ATP2A3: variants seen among roughly 807,000 people sequenced by gnomAD.
ATP2A3 encodes the protein ATPase sarcoplasmic/endoplasmic reticulum Ca2+ transporting 3.
Under a neutral mutation model 106.8 loss-of-function variants are expected in ATP2A3, and 61 were observed. That is an observed-to-expected ratio of 0.57 (90% CI 0.46 to 0.71). The LOEUF is 0.71. ATP2A3 is among the 30% of genes least tolerant of loss of function. The probability of loss-of-function intolerance (pLI) is 0.00; values close to 1 mark genes in which losing one functional copy is unlikely to be tolerated. For synonymous variants in ATP2A3, 611 were observed against 609.3 expected (o/e 1.00, Z -0.04); for missense variants, 1,201 against 1,423.5 (o/e 0.84, Z 2.52).
chr17:3,955,010 A>G lies in ATP2A3; in HGVS notation c.119-1300T>C, dbSNP rs906638613. Among the ~76,000 whole-genome samples, 24 of 152,072 alleles carry G rather than the reference A, an allele frequency of 1.6e-4. No homozygotes were observed. The highest frequency in any genetic ancestry group is 5.3e-4 in the African/African-American group (22 of 41,402). On this transcript the variant is annotated intron_variant, in intron 1 of 20. Coordinates refer to ENST00000397041, the MANE Select transcript of ATP2A3 (RefSeq NM_005173.4). The surrounding 1 kb of genome is among the most constrained non-coding windows in gnomAD (Gnocchi z 4.2). ...AGTGAGTGAGTGGGTCTGTGTGGGG[A>G]TGAGAGGGGCGGGAGCCAGGCTCTG...
intron 11 of ATP2A3, 98 bp downstream of exon 11, chr17:3,943,293 G>A (rs1355018393): frequency 4.9e-5 from 72 of 1,473,516 alleles, no homozygotes; most frequent in South Asian, 3.6e-4. Flanking sequence ...AAAACAAAAC[G>A]AAACAAAACA....
rs1800911 is a variant in ATP2A3, at chr17:3,944,719, A to C, written c.1272T>G (p.Ala424=). ...TGAGGCCCACCTCGTTGTAGTCCAG[A>C]GCCGAGTCGTTGCACAGGGCGCAGA... ...ATICALCNDS[A]LDYNEAKGVY... The change falls in exon 10 of 21, where the codon GCT becomes GCG. Residue 424 remains alanine (A), a synonymous_variant. Transcript: ENST00000397041. 680,007 of 1,610,932 alleles carry C rather than the reference A, an allele frequency of 0.42. 148,425 individuals carry two copies. The highest frequency in any genetic ancestry group is 0.49 in the Middle Eastern group (2,986 of 6,038).
In ATP2A3 at chr17:3,941,421, G is replaced by C; in HGVS notation, c.1764+15C>G. On this transcript the variant is annotated intron_variant, in intron 13 of 20. Coordinates refer to ENST00000397041, the MANE Select transcript of ATP2A3 (RefSeq NM_005173.4). The stretch of plus-strand genomic sequence containing the variant: ...CCCACCTCGTACTGCAGGGAGAATC[G>C]GCTCCTGCACCCACCTCGTACTGCA... 6.2e-7 allele frequency: 1 copy of C among 1,613,796 alleles called. No homozygotes were observed. Among genetic ancestry groups the C allele is most frequent in the South Asian group, 1.1e-5 (1 of 91,076 alleles).
rs1373961393 is a variant in ATP2A3 at position 3,925,476 on chromosome 17, T to C, written c.2981-35A>G. ...AAACCCAAGAGCGCGTTAAGATGTA[T>C]GTGTAAGGGCACACATCCAGACAGC... On this transcript the variant is annotated intron_variant, in intron 20 of 20. Transcript: ENST00000397041. This position sits in a 1 kb window ranked among gnomAD's most constrained non-coding sequence, Gnocchi z 4.2. 1.9e-6 allele frequency: 3 copies of C among 1,604,248 alleles called. No homozygotes were observed. Among genetic ancestry groups the C allele is most frequent in the Non-Finnish European group, 2.6e-6 (3 of 1,176,166 alleles).
At position 3,941,218 on chromosome 17, in the gene ATP2A3, C is replaced by G. The variant is rs1283416625; in HGVS notation, c.1853G>C (p.Gly618Ala). Residue 618 changes from glycine (G) to alanine (A), a missense_variant, in exon 14 of 21, where the codon GGC becomes GCC. Physicochemically the swap from Gly to Ala is moderately conservative, Grantham distance 60 (BLOSUM62 0). Coordinates refer to ENST00000397041, the MANE Select transcript of ATP2A3 (RefSeq NM_005173.4). ...CCCCGTGATCATGACCACGCGGATG[C>G]CCGCCTGGTAGCAGCGTGTGATGCA... ...AACITRCYQA[G>A]IRVVMITGDN... 9.3e-6 allele frequency: 15 copies of G among 1,613,990 alleles called. No individual in the cohort carries two copies. The highest frequency in any genetic ancestry group is 1.3e-5 in the Non-Finnish European group (15 of 1,180,040).
Position 3,964,182 on chromosome 17 carries a change from C to T in ATP2A3, c.110G>A (p.Gly37Asp). Reference protein sequence around the residue: ...AQVTGARERYGPNELPSEEGK... With the variant: ...AQVTGARERYDPNELPSEEGK... ...CCGGCCCGCGCGCTCACCGTTGGGG[C>T]CGTAGCGCTCCCGCGCGCCGGTCAC... Residue 37 changes from glycine to aspartate, a missense_variant, in exon 1 of 21, where the codon GGC (glycine) becomes GAC (aspartate). By Grantham distance (94) the Gly-to-Asp change is moderately conservative. This residue lies in a region of ATP2A3 where 266 missense variants were observed against 246.8 expected (regional missense o/e 1.08). Transcript: ENST00000397041. The T allele has an allele frequency of 8.1e-7, 1 of 1,228,202 alleles. No homozygotes were observed. The highest frequency in any genetic ancestry group is 1.0e-6 in the Non-Finnish European group (1 of 974,972). 76.1% of individuals were successfully genotyped at this position (1,228,202 alleles called of 1,614,324 possible).
In ATP2A3 at chr17:3,937,350, G is replaced by A. The variant is rs1355348507; in HGVS notation, c.2321+66C>T. 1.2e-5 allele frequency: 18 copies of A among 1,538,416 alleles called. No homozygotes were observed. In the Admixed American group the frequency reaches 1.8e-4, roughly 16 times the overall value. On this transcript the variant is annotated intron_variant, in intron 15 of 20. Coordinates refer to ENST00000397041, the MANE Select transcript of ATP2A3 (RefSeq NM_005173.4). ...CCTGCAGCGCATCCGAGGAACAGGC[G>A]TTTTCCCCATCTCAGGGGCACAGAG...
rs1278267807 is a variant in ATP2A3, at chr17:3,935,243, G to A, written c.2559C>T (p.Thr853=). 6 of 1,613,674 alleles carry A rather than the reference G, an allele frequency of 3.7e-6. No individual in the cohort carries two copies. Among genetic ancestry groups the A allele is most frequent in the Non-Finnish European group, 5.1e-6 (6 of 1,180,052 alleles). The stretch of plus-strand genomic sequence containing the variant: ...CCTCGGCGTCATACACAAACCACCA[G>A]GTGGCGGCAGCCACTGTGGCCAGGC... The part of the protein sequence containing the change: ...YVGLATVAAA[T]WWFVYDAEGP... The change falls in exon 17 of 21, where the codon ACC becomes ACT. Residue 853 remains threonine (T), a synonymous_variant. Coordinates refer to ENST00000397041, the MANE Select transcript of ATP2A3 (RefSeq NM_005173.4).
chr17:3,951,764 C>G lies in ATP2A3; in HGVS notation c.220-79G>C, dbSNP rs1022516638. ...TCCTTTTCCTTGGCACCCCGGATCT[C>G]CTGCTTGCTTCCCTGCTTTGGGGAG... On this transcript the variant is annotated intron_variant, in intron 3 of 20. Transcript: ENST00000397041. 2.2e-6 allele frequency: 3 copies of G among 1,364,206 alleles called. No individual in the cohort carries two copies. The African/African-American group carries it at 4.3e-5, about 20-fold the overall frequency. 84.5% of individuals were successfully genotyped at this position (1,364,206 alleles called of 1,614,324 possible). A position where few individuals can be genotyped will look rare whatever the true frequency, so the allele number is the denominator to read the frequency against.
At position 3,936,408 on chromosome 17, in the gene ATP2A3, C is replaced by T; in HGVS notation, c.2383G>A (p.Val795Met). The change falls in exon 16 of 21, where the codon GTG becomes ATG. Residue 795 changes from valine (V) to methionine (M), a missense_variant. Physicochemically the swap from Val to Met is conservative, Grantham distance 21. This residue lies in a region of ATP2A3 where 935 missense variants were observed against 1,176.7 expected (regional missense o/e 0.79). Transcript: ENST00000397041. This position sits in a 1 kb window ranked among gnomAD's most constrained non-coding sequence, Gnocchi z 5.4. ...GGTAGGCCGTCTGTCACCAGGTTCA[C>T]CCAGAGCAGCTGCACAGGGATCAGG... ...EALIPVQLLW[V>M]NLVTDGLPAT... 2 of 1,614,064 alleles carry T rather than the reference C, an allele frequency of 1.2e-6. No individual in the cohort carries two copies. The highest frequency in any genetic ancestry group is 1.7e-6 in the Non-Finnish European group (2 of 1,180,016).
At chr17:3,958,777 C>CATATATAT (rs1488496591) in intron 1 of ATP2A3, among the ~76,000 whole-genome samples, 3,185 of 140,832 alleles carry the variant, frequency 0.023, 213 homozygotes, top group African/African-American at 0.083. Flanking sequence ...TATATATACA[C>CATATATAT]ACACATATAT....
At position 3,953,802 on chromosome 17, in the gene ATP2A3, AC is replaced by A. The variant is rs1438727317; in HGVS notation, c.119-93del. The A allele has an allele frequency of 7.3e-7, 1 of 1,376,124 alleles. No homozygotes were observed. 85.2% of individuals were successfully genotyped at this position (1,376,124 alleles called of 1,614,324 possible). On this transcript the variant is annotated intron_variant, in intron 1 of 20. Coordinates refer to ENST00000397041, the MANE Select transcript of ATP2A3 (RefSeq NM_005173.4). The surrounding 1 kb of genome is among the most constrained non-coding windows in gnomAD (Gnocchi z 5.1). ...CGGGGGAGTCTGGCAGTGCCTCCCC[AC>A]CGTGCCCGCCCAGACCCCCACCACG...
Position 3,925,505 on chromosome 17 carries a change from C to A in ATP2A3, c.2981-64G>T. 6.5e-7 allele frequency: 1 copy of A among 1,548,308 alleles called. No individual in the cohort carries two copies. Among genetic ancestry groups the A allele is most frequent in the Non-Finnish European group, 8.7e-7 (1 of 1,142,884 alleles). On this transcript the variant is annotated intron_variant, in intron 20 of 20. Transcript: ENST00000397041. The surrounding 1 kb of genome is among the most constrained non-coding windows in gnomAD (Gnocchi z 4.2). ...TAAGGGCACACATCCAGACAGCTTC[C>A]TTCCAGCCCCTTCCATCCTCCACTT... is the stretch of plus-strand genomic sequence containing the variant.
intron 10 of ATP2A3, among the ~76,000 whole-genome samples, chr17:3,943,914 C>A (rs11650200): frequency 0.2 from 30,691 of 152,066 alleles, 3,520 homozygotes; most frequent in Admixed American, 0.25. Flanking sequence ...ACCCCTCAGG[C>A]CACCTCTCCC....
Position 3,936,884 on chromosome 17 carries a change from T to A in ATP2A3, c.2322-415A>T. 2 of 331,140 alleles carry A rather than the reference T, an allele frequency of 6.0e-6. No individual in the cohort carries two copies. Among genetic ancestry groups the A allele is most frequent in the African/African-American group, 2.1e-5 (1 of 46,974 alleles). The allele number at this position is 331,140 out of a possible 1,614,324, so 20.5% of individuals were successfully genotyped here. ...TGCAGAGATGCAGAATCCATCCATG[T>A]CCAGCAACACACACGCTCACCATTC... On this transcript the variant is annotated intron_variant, in intron 15 of 20. Coordinates refer to ENST00000397041, the MANE Select transcript of ATP2A3 (RefSeq NM_005173.4). The surrounding 1 kb of genome is among the most constrained non-coding windows in gnomAD (Gnocchi z 5.4).
At chr17:3,957,356 C>T (rs2054843103) in intron 1 of ATP2A3, among the ~76,000 whole-genome samples, 1 of 152,206 alleles carries the variant, frequency 6.6e-6, no homozygotes, top group Non-Finnish European at 1.5e-5. Flanking sequence ...CCGATGCTAA[C>T]TCTTAGGCTG....
At chr17:3,963,673 G>C (rs1418809521) in intron 1 of ATP2A3, among the ~76,000 whole-genome samples, 1 of 152,192 alleles carries the variant, frequency 6.6e-6, no homozygotes, top group East Asian at 1.9e-4. Flanking sequence ...CCTGGGGTGG[G>C]GGTGGGGGCC....
chr17:3,953,952 G>A lies in ATP2A3; in HGVS notation c.119-242C>T, dbSNP rs1293722661. Among the ~76,000 whole-genome samples, 1 of 152,036 alleles carries A rather than the reference G, an allele frequency of 6.6e-6. No individual in the cohort carries two copies. Among genetic ancestry groups the A allele is most frequent in the Non-Finnish European group, 1.5e-5 (1 of 67,990 alleles). ...GATCTAGGGTGACTTGGCTCATCGT[G>A]GGATGAGTACGGAGCCAAGAGGGTC... On this transcript the variant is annotated intron_variant, in intron 1 of 20. Coordinates refer to ENST00000397041, the MANE Select transcript of ATP2A3 (RefSeq NM_005173.4). This position sits in a 1 kb window ranked among gnomAD's most constrained non-coding sequence, Gnocchi z 5.1.
Position 3,964,324 on chromosome 17 carries a change from C to A in ATP2A3, c.-33G>T. 1 of 1,134,854 alleles carries A rather than the reference C, an allele frequency of 8.8e-7. No homozygotes were observed. Among genetic ancestry groups the A allele is most frequent in the South Asian group, 2.7e-5 (1 of 37,012 alleles). The allele number at this position is 1,134,854 out of a possible 1,614,324, so 70.3% of individuals were successfully genotyped here. On this transcript the variant is annotated 5_prime_UTR_variant, in exon 1 of 21. Coordinates refer to ENST00000397041, the MANE Select transcript of ATP2A3 (RefSeq NM_005173.4). ...GCCCGGCCGTCTGCGCCGTCCGCAC[C>A]GTCGAGGCCGCCTCTCCGCCGGGGG...
Sources: gnomAD v4.1 joint callset for allele counts (sites outside exome capture counted in the v4.1 genomes callset) on GRCh38, gnomAD v4.1.1 for gene constraint, gnomAD v4.1.1 regional missense constraint, Gnocchi (gnomAD v3.1) non-coding constraint, MANE v1.5 for transcripts, NCBI Gene and HGNC (gene_info 2026-07-23, HGNC 2026-07-21) for gene names.